Variants in CAST observed in about 807,000 individuals in gnomAD.
The protein encoded by CAST is MIR583 host.
In CAST, 76 loss-of-function variants were observed where a neutral mutation model predicts 119.6. The ratio of observed to expected loss-of-function variants is 0.64; its 90% confidence interval spans 0.53 to 0.77. The LOEUF (loss-of-function observed/expected upper bound fraction) is 0.77. CAST is among the 30% of genes least tolerant of loss of function. CAST has a pLI of 0.00. For missense variants in CAST, 953 were observed against 946.5 expected (o/e 1.01, Z -0.09); for synonymous variants, 319 against 331.6 (o/e 0.96, Z 0.41).
intron 1 of CAST, among the ~76,000 whole-genome samples, chr5:96,536,145 G>A (rs1745810480): frequency 1.3e-5 from 2 of 150,214 alleles, no homozygotes; most frequent in Non-Finnish European, 3.0e-5. Context: ...ATCACCTGAG[G>A]TCAGGAGTTC....
the CAST span, among the ~76,000 whole-genome samples, chr5:96,455,504 A>C: frequency 6.6e-6 from 1 of 152,224 alleles, no homozygotes. Context: ...TGAAGAGTTC[A>C]GACCAGAATA....
chr5:96,430,945 A>G, the CAST span, among the ~76,000 whole-genome samples: 1 of 152,238 alleles, frequency 6.6e-6, no homozygotes, highest in South Asian at 2.1e-4. Context: ...CAGTTTTCAC[A>G]TTGAATGGTC....
At chr5:96,273,662 C>T in the CAST span, among the ~76,000 whole-genome samples, 386 of 152,234 alleles carry the variant, frequency 2.5e-3, 1 homozygote, top group African/African-American at 8.8e-3. Flanking sequence ...AAATTGCTTG[C>T]GTAGATATTT....
At chr5:96,415,427 G>T in the CAST span, among the ~76,000 whole-genome samples, 1 of 152,164 alleles carries the variant, frequency 6.6e-6, no homozygotes, top group Non-Finnish European at 1.5e-5. Flanking sequence ...GATAACATCT[G>T]CCTACCACTT....
chr5:96,362,667 T>C, the CAST span, among the ~76,000 whole-genome samples: 3 of 152,246 alleles, frequency 2.0e-5, no homozygotes, highest in East Asian at 5.8e-4. Context: ...CTTTACCCAC[T>C]TTTTGATGGG....
At chr5:96,527,268 G>T (rs1405575356), upstream of CAST, among the ~76,000 whole-genome samples, 1 of 152,168 alleles carries the variant, frequency 6.6e-6, no homozygotes, top group East Asian at 1.9e-4. Flanking sequence ...GAATTTCCTT[G>T]TGAGTAACTT....
chr5:95,976,097 CT>C, the CAST span, among the ~76,000 whole-genome samples: 1 of 151,910 alleles, frequency 6.6e-6, no homozygotes, highest in Non-Finnish European at 1.5e-5. Flanking sequence ...CTAATTCAGG[CT>C]GGCACTTATG....
chr5:96,378,548 A>C, the CAST span, among the ~76,000 whole-genome samples: 1 of 152,118 alleles, frequency 6.6e-6, no homozygotes, highest in Non-Finnish European at 1.5e-5. Flanking sequence ...AAACAAACTC[A>C]AGAAATAAAC....
chr5:96,098,217 G>C, the CAST span, among the ~76,000 whole-genome samples: 3 of 152,150 alleles, frequency 2.0e-5, no homozygotes, highest in Non-Finnish European at 4.4e-5. Context: ...ATAGATGCTA[G>C]ATATTAGACC....
the CAST span, among the ~76,000 whole-genome samples, chr5:96,228,456 C>T: frequency 6.6e-6 from 1 of 152,088 alleles, no homozygotes; most frequent in African/African-American, 2.4e-5. Flanking sequence ...ACTATCTGCC[C>T]CTGTTCTATC....
At chr5:96,469,453 A>AT in the CAST span, among the ~76,000 whole-genome samples, 1 of 151,822 alleles carries the variant, frequency 6.6e-6, no homozygotes, top group African/African-American at 2.4e-5. Context: ...TGCCAACGTG[A>AT]TTTTTTTTCC....
chr5:96,618,221 CT>C (rs1283586295), intron 1 of CAST, among the ~76,000 whole-genome samples: 10 of 152,218 alleles, frequency 6.6e-5, no homozygotes, highest in African/African-American at 2.4e-4. Flanking sequence ...GTCCTTTGCC[CT>C]CCTGGGAGAT....
chr5:96,770,215 C>G (rs775333659), intron 29 of CAST: 1 of 314,308 alleles, frequency 3.2e-6, no homozygotes, highest in Non-Finnish European at 6.2e-6. Context: ...TTCTCCACAC[C>G]CTTGCCGACA....
the CAST span, among the ~76,000 whole-genome samples, chr5:96,450,225 G>A: frequency 6.6e-6 from 1 of 152,186 alleles, no homozygotes; most frequent in Admixed American, 6.5e-5. Context: ...TCTGTATCTG[G>A]AGATAGATAT....
the CAST span, among the ~76,000 whole-genome samples, chr5:96,338,993 G>A: frequency 6.6e-6 from 1 of 152,168 alleles, no homozygotes; most frequent in Non-Finnish European, 1.5e-5. Context: ...TTCAGTAACA[G>A]CAACAGAACT....
the CAST span, among the ~76,000 whole-genome samples, chr5:96,012,578 CTCT>C: frequency 6.6e-6 from 1 of 152,162 alleles, no homozygotes; most frequent in Non-Finnish European, 1.5e-5. Context: ...GATGACACAA[CTCT>C]TCAGGACAAG....
the CAST span, among the ~76,000 whole-genome samples, chr5:96,192,969 T>C: frequency 6.6e-6 from 1 of 152,202 alleles, no homozygotes; most frequent in South Asian, 2.1e-4. Context: ...ACATAGTACA[T>C]TGTAGCCTAT....
intron 24 of CAST, among the ~76,000 whole-genome samples, chr5:96,759,514 G>C (rs1054153423): frequency 3.3e-5 from 5 of 151,960 alleles, no homozygotes; most frequent in African/African-American, 1.2e-4. Flanking sequence ...AGAGAAACCT[G>C]ATAAACTAAA....
At chr5:96,017,297 C>T in the CAST span, among the ~76,000 whole-genome samples, 461 of 152,250 alleles carry the variant, frequency 3.0e-3, 7 homozygotes, top group East Asian at 0.02. Flanking sequence ...GTTATCAAAG[C>T]GCAGATCCTA....
Sources: gnomAD v4.1 joint callset for allele counts (sites outside exome capture counted in the v4.1 genomes callset) on GRCh38, gnomAD v4.1.1 for gene constraint, MANE v1.5 for transcripts, NCBI Gene and HGNC (gene_info 2026-07-23, HGNC 2026-07-21) for gene names.